The following CSMD1 variants were observed in gnomAD, a reference collection of about 807,000 sequenced individuals.
The protein encoded by CSMD1 is CUB and Sushi multiple domains 1.
Under a neutral mutation model 417.5 loss-of-function variants are expected in CSMD1, and 213 were observed. The observed-to-expected ratio is 0.51, with a 90% CI of 0.46 to 0.57. The LOEUF (loss-of-function observed/expected upper bound fraction) is 0.57, where lower values mean the gene tolerates loss of function less well. Ranked by LOEUF, CSMD1 falls within the 20% of genes least tolerant of loss-of-function variation. The probability of loss-of-function intolerance (pLI) is 0.00; values close to 1 mark genes in which losing one functional copy is unlikely to be tolerated. For synonymous variants in CSMD1, 2,862 were observed against 1,736.8 expected (o/e 1.65, Z -16.11); for missense variants, 6,923 against 4,529.7 (o/e 1.53, Z -15.17).
At chr8:4,331,565 G>A (rs1398360704) in intron 3 of CSMD1, among the ~76,000 whole-genome samples, 1 of 152,138 alleles carries the variant, frequency 6.6e-6, no homozygotes, top group Non-Finnish European at 1.5e-5. Flanking sequence ...TAAATCCACA[G>A]CTGGGAGACT....
chr8:4,456,320 A>C (rs1799481036), intron 2 of CSMD1, among the ~76,000 whole-genome samples: 1 of 152,080 alleles, frequency 6.6e-6, no homozygotes, highest in Non-Finnish European at 1.5e-5. Context: ...CAGCAGTAAT[A>C]AAAAAATTAG....
chr8:4,656,416 T>A (rs1170344024), intron 1 of CSMD1, among the ~76,000 whole-genome samples: 1 of 152,070 alleles, frequency 6.6e-6, no homozygotes, highest in Non-Finnish European at 1.5e-5. Flanking sequence ...TTTGAAGGAC[T>A]AATGTATCAT....
At chr8:3,462,896 C>T (rs1816596019) in intron 12 of CSMD1, among the ~76,000 whole-genome samples, 1 of 152,168 alleles carries the variant, frequency 6.6e-6, no homozygotes, top group Non-Finnish European at 1.5e-5. Context: ...ATGGGCCAGC[C>T]TTTAGAGCGT....
At chr8:4,659,073 T>C (rs937561416) in intron 1 of CSMD1, among the ~76,000 whole-genome samples, 1 of 151,866 alleles carries the variant, frequency 6.6e-6, no homozygotes, top group Non-Finnish European at 1.5e-5. Flanking sequence ...ACCAGAGAAC[T>C]TCACAAATAC....
chr8:3,850,520 C>G (rs951346234), intron 5 of CSMD1, among the ~76,000 whole-genome samples: 10 of 151,834 alleles, frequency 6.6e-5, no homozygotes, highest in Admixed American at 2.6e-4. Context: ...CATGGCAAAA[C>G]CCCATCTCTA....
At chr8:4,851,493 T>TC (rs1801479742) in intron 1 of CSMD1, among the ~76,000 whole-genome samples, 1 of 152,068 alleles carries the variant, frequency 6.6e-6, no homozygotes, top group African/African-American at 2.4e-5. Flanking sequence ...GAGTATTTCA[T>TC]CCATGGCGCT....
At chr8:3,619,483 G>A (rs1383778468) in intron 7 of CSMD1, among the ~76,000 whole-genome samples, 5 of 152,088 alleles carry the variant, frequency 3.3e-5, no homozygotes, top group Non-Finnish European at 7.4e-5. Flanking sequence ...AGAAATATAT[G>A]CATCAGACTT....
chr8:3,041,426 C>G (rs1402457250), intron 50 of CSMD1, among the ~76,000 whole-genome samples: 1 of 152,152 alleles, frequency 6.6e-6, no homozygotes, highest in East Asian at 1.9e-4. Flanking sequence ...AAGGCGCTAA[C>G]ATGAAAATAC....
chr8:4,535,958 T>A (rs1202928783), intron 2 of CSMD1, among the ~76,000 whole-genome samples: 3 of 151,862 alleles, frequency 2.0e-5, no homozygotes, highest in Non-Finnish European at 4.4e-5. Flanking sequence ...TTAACAATGT[T>A]GATGTAATTA....
chr8:3,311,089 T>C (rs1321773078), intron 23 of CSMD1, among the ~76,000 whole-genome samples: 1 of 130,130 alleles, frequency 7.7e-6, no homozygotes, highest in African/African-American at 2.5e-5. Flanking sequence ...ATTAATGTAA[T>C]ATACCTAACT....
intron 26 of CSMD1, among the ~76,000 whole-genome samples, chr8:3,260,933 A>T (rs1310256518): frequency 6.6e-6 from 1 of 152,208 alleles, no homozygotes; most frequent in Admixed American, 6.5e-5. Flanking sequence ...AATATAAAGA[A>T]TGCTCAAGAC....
intron 12 of CSMD1, among the ~76,000 whole-genome samples, chr8:3,419,033 C>T (rs911361269): frequency 1.3e-5 from 2 of 152,186 alleles, no homozygotes; most frequent in African/African-American, 2.4e-5. Context: ...ATACTCGAGG[C>T]ATACAAATAG....
intron 2 of CSMD1, among the ~76,000 whole-genome samples, chr8:4,478,576 G>A (rs1049009448): frequency 5.9e-5 from 9 of 152,140 alleles, no homozygotes; most frequent in Admixed American, 2.6e-4. Flanking sequence ...GATAGTAAAC[G>A]ACATTAATAA....
intron 3 of CSMD1, among the ~76,000 whole-genome samples, 156 bp from the exon 4 acceptor site, chr8:4,032,255 A>T (rs1797387179): frequency 6.6e-6 from 1 of 152,234 alleles, no homozygotes; most frequent in Admixed American, 6.5e-5. Context: ...AACTGAGAAA[A>T]TGTCTTCAGG....
At chr8:4,638,961 G>C (rs1401370946) in intron 1 of CSMD1, among the ~76,000 whole-genome samples, 1 of 152,178 alleles carries the variant, frequency 6.6e-6, no homozygotes, top group Non-Finnish European at 1.5e-5. Context: ...GAACCCTTGA[G>C]TAAATTGTAG....
chr8:4,354,742 G>T (rs541797103), intron 3 of CSMD1, among the ~76,000 whole-genome samples: 8 of 152,166 alleles, frequency 5.3e-5, no homozygotes, highest in Admixed American at 3.9e-4. Context: ...AGTGATGCAG[G>T]TGTTTGAATT....
In CSMD1 at chr8:4,396,260, G is replaced by C. The variant is rs542877564; in HGVS notation, c.415+23693C>G. Among the ~76,000 whole-genome samples the C allele has an allele frequency of 1.1e-4, 16 of 151,728 alleles. No individual in the cohort carries two copies. In the South Asian group the frequency reaches 2.5e-3, roughly 24 times the overall value. On this transcript the variant is annotated intron_variant, in intron 3 of 69. Coordinates refer to ENST00000635120, the MANE Select transcript of CSMD1 (RefSeq NM_033225.6). ...GCAGATCGCTTGAGCCCAGGTGTTT[G>C]AGACCAGCTTGGGGAATACAGTGAG...
chr8:3,850,486 A>G (rs1803822196), intron 5 of CSMD1, among the ~76,000 whole-genome samples: 1 of 152,132 alleles, frequency 6.6e-6, no homozygotes, highest in Non-Finnish European at 1.5e-5. Context: ...CTTGAGGTCA[A>G]GAGTTCAAGA....
chr8:3,760,132 G>A (rs1332920629), intron 5 of CSMD1, among the ~76,000 whole-genome samples: 1 of 152,086 alleles, frequency 6.6e-6, no homozygotes, highest in African/African-American at 2.4e-5. Flanking sequence ...AACAGGCTGA[G>A]AAAGGGTCTT....
Sources: allele counts gnomAD v4.1 joint callset (sites outside exome capture counted in the v4.1 genomes callset), GRCh38; gene constraint gnomAD v4.1.1; transcripts MANE v1.5; gene names NCBI Gene and HGNC (gene_info 2026-07-23, HGNC 2026-07-21).